LEF1: variants seen among roughly 807,000 people sequenced by gnomAD.
LEF1 encodes lymphoid enhancer binding factor 1.
In LEF1, 14 loss-of-function variants were observed where a neutral mutation model predicts 51.2. The observed-to-expected ratio is 0.27, with a 90% CI of 0.18 to 0.43. The LOEUF (loss-of-function observed/expected upper bound fraction) is 0.43. Among genes scored for constraint, LEF1 ranks in the 20% least tolerant of loss-of-function variants. The pLI is 1.00. For synonymous variants in LEF1, 185 were observed against 183.2 expected (o/e 1.01, Z -0.08); for missense variants, 386 against 512.0 (o/e 0.75, Z 2.37).
intron 3 of LEF1, among the ~76,000 whole-genome samples, chr4:108,132,341 C>G (rs745632014): frequency 6.6e-6 from 1 of 152,138 alleles, no homozygotes; most frequent in Non-Finnish European, 1.5e-5. Context: ...AAAGCACATA[C>G]TTCCCAGAAA....
In LEF1 at chr4:108,081,569, T is replaced by C; in HGVS notation, c.722+17A>G. On this transcript the variant is annotated intron_variant, in intron 6 of 11. Coordinates refer to ENST00000265165, the MANE Select transcript of LEF1 (RefSeq NM_016269.5). Reference sequence around the variant, plus strand: ...AGCAACTTGTCCTCGAGCGCCCCAGTTTCCACCTCCACCTACCTGGACATG... The same window carrying C: ...AGCAACTTGTCCTCGAGCGCCCCAGCTTCCACCTCCACCTACCTGGACATG... 6.2e-7 allele frequency: 1 copy of C among 1,609,760 alleles called. No individual in the cohort carries two copies. The highest frequency in any genetic ancestry group is 8.5e-7 in the Non-Finnish European group (1 of 1,176,234).
rs1745488981 is a variant in LEF1 at position 108,167,501 on chromosome 4, G to A, written c.213+54C>T. ...GCCTTCGTTCCCTTCCTCCCTCTCT[G>A]AGTTTCCCAGGGACCCGCCACGCCT... On this transcript the variant is annotated intron_variant, in intron 1 of 11. Transcript: ENST00000265165. This position sits in a 1 kb window ranked among gnomAD's most constrained non-coding sequence, Gnocchi z 5.7. 14 of 1,584,486 alleles carry A rather than the reference G, an allele frequency of 8.8e-6. No homozygotes were observed. The highest frequency in any genetic ancestry group is 1.2e-5 in the Non-Finnish European group (14 of 1,158,198).
chr4:108,085,402 A>G (rs999197474), intron 4 of LEF1, among the ~76,000 whole-genome samples: 29 of 152,140 alleles, frequency 1.9e-4, no homozygotes, highest in Admixed American at 1.9e-3. Flanking sequence ...TAATTCCTCT[A>G]TTTCACAGGT....
intron 3 of LEF1, among the ~76,000 whole-genome samples, chr4:108,132,685 T>TTTTTTTTTTTG (rs1383252390): frequency 7.2e-6 from 1 of 139,506 alleles, no homozygotes; most frequent in African/African-American, 2.7e-5. Context: ...TTTTTTTTTT[T>TTTTTTTTTTTG]GAGGCAGGGT....
intron 3 of LEF1, among the ~76,000 whole-genome samples, chr4:108,146,890 G>C (rs1321946569): frequency 6.6e-6 from 1 of 152,182 alleles, no homozygotes; most frequent in Non-Finnish European, 1.5e-5. Context: ...ACCATAAGAA[G>C]TCCAGGAGCT....
At chr4:108,084,033 G>T (rs1224359268) in intron 4 of LEF1, among the ~76,000 whole-genome samples, 2 of 152,186 alleles carry the variant, frequency 1.3e-5, no homozygotes, top group East Asian at 1.9e-4. Context: ...CCTCTGGGCT[G>T]CAAGGTCAAG....
At chr4:108,063,487 A>G in intron 11 of LEF1, 136 bp downstream of exon 11, 1 of 705,152 alleles carries the variant, frequency 1.4e-6, no homozygotes, top group East Asian at 2.8e-5. Context: ...TTTTTAAAGC[A>G]CTAATTTGAT....
chr4:108,084,041 A>C (rs1440461711), intron 4 of LEF1, among the ~76,000 whole-genome samples: 1 of 152,202 alleles, frequency 6.6e-6, no homozygotes, highest in Non-Finnish European at 1.5e-5. Flanking sequence ...CTGCAAGGTC[A>C]AGCTGTTCTG....
intron 3 of LEF1, chr4:108,104,765 G>A: frequency 2.6e-6 from 2 of 777,320 alleles, no homozygotes; most frequent in Non-Finnish European, 3.1e-6. Context: ...AGTTTTCCTT[G>A]CCCCTCCCCT....
At chr4:108,132,307 C>G (rs1742946928) in intron 3 of LEF1, among the ~76,000 whole-genome samples, 1 of 152,106 alleles carries the variant, frequency 6.6e-6, no homozygotes, top group Non-Finnish European at 1.5e-5. Context: ...ATTCTGTACC[C>G]CCTCAAAATC....
chr4:108,066,344 G>A (rs1434294858), intron 9 of LEF1, among the ~76,000 whole-genome samples: 3 of 152,116 alleles, frequency 2.0e-5, no homozygotes, highest in Admixed American at 2.0e-4. Flanking sequence ...CCTTCAACCC[G>A]TGTCTCAAGT....
At chr4:108,104,211 T>C (rs1054221595) in intron 3 of LEF1, among the ~76,000 whole-genome samples, 1 of 151,772 alleles carries the variant, frequency 6.6e-6, no homozygotes, top group African/African-American at 2.4e-5. Flanking sequence ...CCAGGCAAAG[T>C]CATAGTAACA....
In LEF1 at chr4:108,149,458, C is replaced by CAAAAAAAAAAAAAAAAAAAAAA. The variant is rs371482539; in HGVS notation, c.414+14109_414+14110insTTTTTTTTTTTTTTTTTTTTTT. On this transcript the variant is annotated intron_variant, in intron 3 of 11. Coordinates refer to ENST00000265165, the MANE Select transcript of LEF1 (RefSeq NM_016269.5). ...TGGGCGACAGAGCGAGACTCCGTCT[C>CAAAAAAAAAAAAAAAAAAAAAA]AAAAAAAAAAAAAAAAAATAGATTA... is the stretch of plus-strand genomic sequence containing the variant. Among the ~76,000 whole-genome samples the CAAAAAAAAAAAAAAAAAAAAAA allele has an allele frequency of 8.4e-4, 51 of 60,544 alleles. 2 individuals carry two copies. The highest frequency in any genetic ancestry group is 3.3e-3 in the African/African-American group (46 of 13,754). The allele number at this position is 60,544 out of a possible 152,430, so 39.7% of individuals were successfully genotyped here.
chr4:108,062,091 G>A (rs1310408952), intron 11 of LEF1, among the ~76,000 whole-genome samples: 1 of 152,074 alleles, frequency 6.6e-6, no homozygotes, highest in Non-Finnish European at 1.5e-5. Context: ...ACAGGGGGTA[G>A]GTATCGATAT....
intron 11 of LEF1, among the ~76,000 whole-genome samples, chr4:108,055,826 A>C (rs767298786): frequency 1.2e-4 from 18 of 152,222 alleles, no homozygotes; most frequent in Non-Finnish European, 2.4e-4. Context: ...TCTTCTGATC[A>C]TTAAGGAGAG....
intron 6 of LEF1, among the ~76,000 whole-genome samples, chr4:108,080,000 C>T (rs757686249): frequency 6.6e-6 from 1 of 152,188 alleles, no homozygotes; most frequent in Non-Finnish European, 1.5e-5. Context: ...ATATTATTGG[C>T]TTCCTCATCC....
At chr4:108,161,786 T>C (rs1181570329) in intron 3 of LEF1, among the ~76,000 whole-genome samples, 1 of 152,210 alleles carries the variant, frequency 6.6e-6, no homozygotes, top group East Asian at 1.9e-4. Flanking sequence ...ACAAATGCTG[T>C]ATACTCACAG....
chr4:108,155,410 G>A (rs1340399160), intron 3 of LEF1, among the ~76,000 whole-genome samples: 3 of 152,266 alleles, frequency 2.0e-5, no homozygotes, highest in African/African-American at 4.8e-5. Flanking sequence ...GTAAAAATAC[G>A]ATGACATTCC....
intron 3 of LEF1, among the ~76,000 whole-genome samples, chr4:108,096,886 C>T (rs541309491): frequency 2.0e-5 from 3 of 152,230 alleles, no homozygotes; most frequent in South Asian, 4.2e-4. Context: ...AAAACTACCA[C>T]GTGACATCAT....
Sources: allele counts gnomAD v4.1 joint callset (sites outside exome capture counted in the v4.1 genomes callset), GRCh38; gene constraint gnomAD v4.1.1; non-coding constraint Gnocchi (gnomAD v3.1); transcripts MANE v1.5; gene names NCBI Gene and HGNC (gene_info 2026-07-23, HGNC 2026-07-21).